BMPER: variants seen among roughly 807,000 people sequenced by gnomAD.
BMPER encodes BMP binding endothelial regulator.
BMPER carries 45 observed loss-of-function variants against 87.3 expected under a neutral mutation model. That is an observed-to-expected ratio of 0.52 (90% CI 0.41 to 0.66). The LOEUF (loss-of-function observed/expected upper bound fraction) is 0.66. BMPER is among the 30% of genes least tolerant of loss of function. The pLI is 0.00. For synonymous variants in BMPER, 326 were observed against 316.2 expected (o/e 1.03, Z -0.33); for missense variants, 784 against 867.5 (o/e 0.90, Z 1.21).
chr7:33,938,026 C>T (rs1017801551), intron 3 of BMPER, among the ~76,000 whole-genome samples: 2 of 152,142 alleles, frequency 1.3e-5, no homozygotes, highest in African/African-American at 4.8e-5. Flanking sequence ...GCTGCCTGTG[C>T]TCAAGGTGCT....
At chr7:34,123,458 G>A (rs1790313568) in intron 13 of BMPER, among the ~76,000 whole-genome samples, 1 of 152,172 alleles carries the variant, frequency 6.6e-6, no homozygotes, top group Non-Finnish European at 1.5e-5. Flanking sequence ...GGAGTTTTCT[G>A]ATGCCCTGGC....
intron 13 of BMPER, among the ~76,000 whole-genome samples, chr7:34,141,610 CAAAA>C (rs70997567): frequency 3.6e-5 from 2 of 55,024 alleles, no homozygotes; most frequent in African/African-American, 1.5e-4. Flanking sequence ...AACACCATCT[CAAAA>C]AAAAAAAAAA....
rs201578248 is a variant in BMPER at position 34,153,269 on chromosome 7, G to A, written c.2054G>A (p.Arg685Gln). The A allele has an allele frequency of 2.8e-5, 45 of 1,613,910 alleles. No individual in the cohort carries two copies. The East Asian group carries it at 5.8e-4, about 21-fold the overall frequency. Residue 685 changes from arginine (R) to glutamine (Q), a missense_variant, in exon 15 of 15, where the codon CGG becomes CAG. Physicochemically the swap from Arg to Gln is conservative, Grantham distance 43. Coordinates refer to ENST00000649409, the MANE Select transcript of BMPER (RefSeq NM_001365308.1). Reference sequence around the variant, plus strand: ...ATCAAGCCAGTCCTTTGTCCCCAGCGGTGACCTTTGTTTCGATCCTTAAGA... The same window carrying A: ...ATCAAGCCAGTCCTTTGTCCCCAGCAGTGACCTTTGTTTCGATCCTTAAGA... ...RCIKPVLCPQ[R>Q]
chr7:34,021,501 T>C (rs1002375698), intron 6 of BMPER, among the ~76,000 whole-genome samples: 1 of 152,004 alleles, frequency 6.6e-6, no homozygotes, highest in Non-Finnish European at 1.5e-5. Context: ...ACAGAAACCT[T>C]TGTATTACCA....
At chr7:33,908,417 A>G (rs901144886) in intron 2 of BMPER, among the ~76,000 whole-genome samples, 2 of 152,310 alleles carry the variant, frequency 1.3e-5, no homozygotes, top group South Asian at 2.1e-4. Context: ...CTGTTCCCAA[A>G]TAACATTATG....
rs564136334 is a variant in BMPER at position 34,086,019 on chromosome 7, C to T, written c.1672C>T (p.Arg558Ter). The T allele has an allele frequency of 1.2e-5, 19 of 1,614,032 alleles. No individual in the cohort carries two copies. In the East Asian group the frequency reaches 2.9e-4, roughly 25 times the overall value. ...GTVKVKLRAH[R>*]ECQKLKSWEF... ...AGTCAAGGTAAAGCTCCGGGCCCATCGAGAATGCCAAAAGCTCAAATCCTG... is the reference window on the plus strand; with the variant it reads ...AGTCAAGGTAAAGCTCCGGGCCCATTGAGAATGCCAAAAGCTCAAATCCTG... The change falls in exon 13 of 15, where the codon CGA becomes TGA. Residue 558 changes from arginine to a stop codon, truncating the protein, a stop_gained. Coordinates refer to ENST00000649409, the MANE Select transcript of BMPER (RefSeq NM_001365308.1). LOFTEE classifies it high-confidence loss of function.
intron 2 of BMPER, among the ~76,000 whole-genome samples, chr7:33,937,085 A>C (rs1436486188): frequency 6.6e-6 from 1 of 152,184 alleles, no homozygotes. Context: ...ATCTCCTCTC[A>C]TCTGACTCTG....
At chr7:33,978,002 C>T (rs971978456) in intron 6 of BMPER, among the ~76,000 whole-genome samples, 2 of 152,120 alleles carry the variant, frequency 1.3e-5, no homozygotes, top group Middle Eastern at 3.2e-3. Context: ...GGGAATGTCA[C>T]CAAGTGCTAT....
intron 6 of BMPER, among the ~76,000 whole-genome samples, chr7:34,015,065 C>G (rs1294585763): frequency 6.6e-6 from 1 of 151,878 alleles, no homozygotes; most frequent in Non-Finnish European, 1.5e-5. Context: ...CTTCTTATGT[C>G]ATGACTGGAT....
chr7:34,047,121 G>C (rs1787995531), intron 7 of BMPER, among the ~76,000 whole-genome samples: 1 of 152,042 alleles, frequency 6.6e-6, no homozygotes, highest in Admixed American at 6.6e-5. Flanking sequence ...CCTGAGCCCA[G>C]CTCTAACCTG....
At chr7:34,090,859 C>T (rs771821562) in intron 13 of BMPER, among the ~76,000 whole-genome samples, 5 of 152,196 alleles carry the variant, frequency 3.3e-5, no homozygotes, top group African/African-American at 7.2e-5. Flanking sequence ...CTCTCCTTGA[C>T]GGGGTATCAT....
intron 6 of BMPER, among the ~76,000 whole-genome samples, chr7:34,023,025 G>A (rs1451818948): frequency 1.3e-5 from 2 of 152,038 alleles, no homozygotes; most frequent in African/African-American, 4.8e-5. Flanking sequence ...ACAGGGAAGG[G>A]TAGAACCTGA....
intron 6 of BMPER, among the ~76,000 whole-genome samples, chr7:33,992,794 C>T (rs1443319917): frequency 7.1e-5 from 10 of 140,532 alleles, no homozygotes; most frequent in East Asian, 4.4e-4. Flanking sequence ...CCTTCAGGAG[C>T]TCTTTTAGGG....
chr7:34,059,631 TTCCCTTCTCGGGG>T (rs1385242519), intron 10 of BMPER, among the ~76,000 whole-genome samples: 1 of 150,552 alleles, frequency 6.6e-6, no homozygotes, highest in African/African-American at 2.5e-5. Context: ...AGTTCACACT[TTCCCTTCTCGGGG>T]GCCAGCAGGA....
At position 34,066,492 on chromosome 7, in the gene BMPER, A is replaced by G. The variant is rs150036521; in HGVS notation, c.1078+4445A>G. Among the ~76,000 whole-genome samples, 741 of 152,370 alleles carry G rather than the reference A, an allele frequency of 4.9e-3. 5 individuals carry two copies. Among genetic ancestry groups the G allele is most frequent in the African/African-American group, 0.017 (712 of 41,592 alleles). The stretch of plus-strand genomic sequence containing the variant: ...ATTTGAAGTGGGCTACACAAACTTC[A>G]TAAAGCTTTCTTGCAAATGCTGTTT... On this transcript the variant is annotated intron_variant, in intron 11 of 14. Coordinates refer to ENST00000649409, the MANE Select transcript of BMPER (RefSeq NM_001365308.1).
chr7:34,079,205 C>A lies in BMPER; in HGVS notation c.1408+19C>A. The A allele has an allele frequency of 6.2e-7, 1 of 1,613,072 alleles. No homozygotes were observed. Among genetic ancestry groups the A allele is most frequent in the Non-Finnish European group, 8.5e-7 (1 of 1,179,784 alleles). ...AAAGCAGGTGGGGCGTCTGTGGCCTCCCTCTTGCTCTAGCCTCCGCCTCAC... is the reference window on the plus strand; with the variant it reads ...AAAGCAGGTGGGGCGTCTGTGGCCTACCTCTTGCTCTAGCCTCCGCCTCAC... On this transcript the variant is annotated intron_variant, in intron 12 of 14. Transcript: ENST00000649409.
At chr7:34,037,440 A>G (rs1453179355) in intron 6 of BMPER, among the ~76,000 whole-genome samples, 1 of 152,196 alleles carries the variant, frequency 6.6e-6, no homozygotes, top group East Asian at 1.9e-4. Context: ...CCTGCTCTGT[A>G]ACCCCTCCAC....
At chr7:34,099,170 GA>G (rs1351302335) in intron 13 of BMPER, among the ~76,000 whole-genome samples, 2 of 152,184 alleles carry the variant, frequency 1.3e-5, no homozygotes, top group Non-Finnish European at 2.9e-5. Context: ...TGTGGATGAG[GA>G]AACTGAGCTA....
At chr7:34,052,250 A>G (rs1300235809) in intron 8 of BMPER, among the ~76,000 whole-genome samples, 1 of 152,222 alleles carries the variant, frequency 6.6e-6, no homozygotes, top group African/African-American at 2.4e-5. Context: ...AGACAAATAC[A>G]TACGGCTGTG....
Sources: allele counts gnomAD v4.1 joint callset (sites outside exome capture counted in the v4.1 genomes callset), GRCh38; gene constraint gnomAD v4.1.1; transcripts MANE v1.5; gene names NCBI Gene and HGNC (gene_info 2026-07-23, HGNC 2026-07-21).